Variants in SUGCT observed in about 807,000 individuals in gnomAD.
The protein encoded by SUGCT is succinyl-CoA:glutarate CoA-transferase.
A neutral mutation model predicts 55.0 loss-of-function variants in SUGCT; 41 were observed. The ratio of observed to expected loss-of-function variants is 0.74; its 90% confidence interval spans 0.58 to 0.97. The LOEUF (loss-of-function observed/expected upper bound fraction) is 0.97. Ranked by LOEUF, SUGCT falls within the 50% of genes least tolerant of loss-of-function variation. SUGCT has a pLI of 0.00. For missense variants in SUGCT, 568 were observed against 547.8 expected (o/e 1.04, Z -0.37); for synonymous variants, 187 against 200.4 (o/e 0.93, Z 0.56).
intron 9 of SUGCT, among the ~76,000 whole-genome samples, chr7:40,378,094 G>A (rs1784692682): frequency 1.4e-5 from 2 of 141,380 alleles, no homozygotes; most frequent in African/African-American, 5.2e-5. Context: ...AGTTAATTGA[G>A]CTTCTTTGAT....
At chr7:40,624,939 C>T (rs187625915) in intron 12 of SUGCT, among the ~76,000 whole-genome samples, 225 of 152,246 alleles carry the variant, frequency 1.5e-3, no homozygotes, top group African/African-American at 4.8e-3. Flanking sequence ...TGACTGCCTG[C>T]TACAACCCCA....
intron 8 of SUGCT, among the ~76,000 whole-genome samples, chr7:40,304,582 A>G (rs905263636): frequency 1.3e-5 from 2 of 150,812 alleles, no homozygotes; most frequent in African/African-American, 4.9e-5. Context: ...TTTATCCCTC[A>G]CCACCCCCCA....
In SUGCT at chr7:40,702,865, C is replaced by T. The variant is rs542278429; in HGVS notation, c.1090-46569C>T. On this transcript the variant is annotated intron_variant, in intron 12 of 13. Coordinates refer to ENST00000335693, the MANE Select transcript of SUGCT (RefSeq NM_001193313.2). The stretch of plus-strand genomic sequence containing the variant: ...AGCTAAACATGGAATTCTTTTATAG[C>T]CCAAAACTACGTAACTCTCAAATCA... Among the ~76,000 whole-genome samples the T allele has an allele frequency of 7.9e-5, 12 of 152,270 alleles. No individual in the cohort carries two copies. The East Asian group carries it at 2.3e-3, about 29-fold the overall frequency.
chr7:40,821,254 T>C (rs182678726), intron 13 of SUGCT, among the ~76,000 whole-genome samples: 31 of 152,340 alleles, frequency 2.0e-4, no homozygotes, highest in South Asian at 1.2e-3. Flanking sequence ...TGCCAGGCTT[T>C]GGTATCAGGA....
chr7:40,714,392 C>T (rs1319983331), intron 12 of SUGCT, among the ~76,000 whole-genome samples: 1 of 151,958 alleles, frequency 6.6e-6, no homozygotes, highest in Non-Finnish European at 1.5e-5. Context: ...ACTACTCATC[C>T]CCCACCCAAA....
intron 12 of SUGCT, among the ~76,000 whole-genome samples, chr7:40,621,658 C>T (rs1799270449): frequency 6.6e-6 from 1 of 152,100 alleles, no homozygotes; most frequent in Non-Finnish European, 1.5e-5. Context: ...GTTTCAGTAG[C>T]TTGAGGAGAA....
intron 6 of SUGCT, among the ~76,000 whole-genome samples, chr7:40,198,916 C>G (rs1786440319): frequency 6.6e-6 from 1 of 152,010 alleles, no homozygotes; most frequent in Middle Eastern, 3.4e-3. Flanking sequence ...ATTGCATGAA[C>G]CTGGAGGCAG....
At chr7:40,951,238 T>C in the SUGCT span, among the ~76,000 whole-genome samples, 24 of 152,236 alleles carry the variant, frequency 1.6e-4, no homozygotes, top group Non-Finnish European at 3.2e-4. Flanking sequence ...TTTTCTAGTT[T>C]ATTTGCGTAG....
chr7:40,604,565 A>C (rs1798437312), intron 12 of SUGCT, among the ~76,000 whole-genome samples: 1 of 152,182 alleles, frequency 6.6e-6, no homozygotes, highest in Non-Finnish European at 1.5e-5. Context: ...CCGATGCCTA[A>C]GATATTTAAA....
the SUGCT span, among the ~76,000 whole-genome samples, chr7:40,963,884 G>C: frequency 0.085 from 12,994 of 152,196 alleles, 618 homozygotes; most frequent in African/African-American, 0.11. Flanking sequence ...TGCAGGTTTA[G>C]ACTGCATTTA....
intron 6 of SUGCT, among the ~76,000 whole-genome samples, chr7:40,208,872 C>G (rs1244267257): frequency 6.6e-6 from 1 of 152,078 alleles, no homozygotes; most frequent in East Asian, 1.9e-4. Flanking sequence ...GTTAAAAGCC[C>G]TTTATTTTAA....
intron 12 of SUGCT, among the ~76,000 whole-genome samples, chr7:40,501,781 G>A (rs1395823347): frequency 2.0e-5 from 3 of 152,066 alleles, no homozygotes; most frequent in African/African-American, 7.2e-5. Flanking sequence ...TGCAGTTTAG[G>A]TTAAGGTAGA....
At chr7:40,776,654 G>A (rs1789467882) in intron 13 of SUGCT, among the ~76,000 whole-genome samples, 1 of 152,156 alleles carries the variant, frequency 6.6e-6, no homozygotes, top group African/African-American at 2.4e-5. Flanking sequence ...AGAGATATTT[G>A]AAGCTGAATC....
intron 11 of SUGCT, among the ~76,000 whole-genome samples, chr7:40,478,352 A>C (rs752921455): frequency 6.6e-6 from 1 of 152,076 alleles, no homozygotes; most frequent in Non-Finnish European, 1.5e-5. Context: ...GCACAAAAAT[A>C]AGGCTTTAAT....
At chr7:41,013,105 G>A in the SUGCT span, among the ~76,000 whole-genome samples, 1 of 151,700 alleles carries the variant, frequency 6.6e-6, no homozygotes, top group South Asian at 2.1e-4. Flanking sequence ...TTATGTGTTT[G>A]CAGAAAGTTT....
rs541020847 is a variant in SUGCT, at chr7:40,733,107, T to C, written c.1090-16327T>C. ...AACAAAAAAGAAATTGTGAGCCAAG[T>C]CAGCTGGGAACACAGATGTGTCTGA... On this transcript the variant is annotated intron_variant, in intron 12 of 13. Coordinates refer to ENST00000335693, the MANE Select transcript of SUGCT (RefSeq NM_001193313.2). Among the ~76,000 whole-genome samples, 5 of 152,242 alleles carry C rather than the reference T, an allele frequency of 3.3e-5. No homozygotes were observed. In the South Asian group the frequency reaches 1.0e-3, roughly 32 times the overall value.
intron 13 of SUGCT, among the ~76,000 whole-genome samples, chr7:40,782,247 C>T (rs913727177): frequency 1.3e-5 from 2 of 152,028 alleles, no homozygotes; most frequent in African/African-American, 4.8e-5. Context: ...TCTACACAGT[C>T]ATATTATATT....
chr7:40,567,844 A>G (rs1336306561), intron 12 of SUGCT, among the ~76,000 whole-genome samples: 1 of 152,216 alleles, frequency 6.6e-6, no homozygotes, highest in Non-Finnish European at 1.5e-5. Context: ...AAATAGCAAA[A>G]GAAATTTCAA....
the SUGCT span, among the ~76,000 whole-genome samples, chr7:40,988,407 C>A: frequency 1.3e-5 from 2 of 151,234 alleles, no homozygotes; most frequent in African/African-American, 4.9e-5. Context: ...TCTAATGCTA[C>A]CAGGTTCTGG....
Sources: gnomAD v4.1 joint callset for allele counts (sites outside exome capture counted in the v4.1 genomes callset) on GRCh38, gnomAD v4.1.1 for gene constraint, MANE v1.5 for transcripts, NCBI Gene and HGNC (gene_info 2026-07-23, HGNC 2026-07-21) for gene names.